The following IRF3 variants were observed in gnomAD, a reference collection of about 807,000 sequenced individuals.
The protein encoded by IRF3 is interferon regulatory factor 3.
A neutral mutation model predicts 43.2 loss-of-function variants in IRF3; 29 were observed. The ratio of observed to expected loss-of-function variants is 0.67; its 90% confidence interval spans 0.50 to 0.91. The LOEUF (loss-of-function observed/expected upper bound fraction) is 0.91, where lower values mean the gene tolerates loss of function less well. IRF3 is among the 40% of genes least tolerant of loss of function. The pLI is 0.00. For missense variants in IRF3, 505 were observed against 559.1 expected, an observed-to-expected ratio of 0.90 and a Z score of 0.98; for synonymous variants, 228 against 233.9, an observed-to-expected ratio of 0.97 and a Z score of 0.23.
Position 49,659,680 on chromosome 19 carries a change from C to T in IRF3, c.1252G>A (p.Gly418Ser), listed in dbSNP as rs2122548624. 6.2e-7 allele frequency: 1 copy of T among 1,613,808 alleles called. No homozygotes were observed. The highest frequency in any genetic ancestry group is 8.5e-7 in the Non-Finnish European group (1 of 1,179,820). Reference sequence around the variant, plus strand: ...TCCCCAGGGCCCTGGAAATCCATGCCCTCCACCAAGTCCTGCAGGTAGGCC... The same window carrying T: ...TCCCCAGGGCCCTGGAAATCCATGCTCTCCACCAAGTCCTGCAGGTAGGCC... ...YKAYLQDLVEGMDFQGPGES is the reference protein window; with the variant it reads ...YKAYLQDLVESMDFQGPGES Residue 418 changes from glycine (G) to serine (S), a missense_variant, in exon 8 of 8, where the codon GGC (glycine) becomes AGC (serine). By Grantham distance (56) the Gly-to-Ser change is moderately conservative (BLOSUM62 0). Transcript: ENST00000377139.
rs769364335 is a variant in IRF3, at chr19:49,663,498, G to C, written c.182C>G (p.Thr61Ser). 5.6e-6 allele frequency: 9 copies of C among 1,614,114 alleles called. No individual in the cohort carries two copies. The Admixed American group carries it at 1.5e-4, about 27-fold the overall frequency. Residue 61 changes from threonine to serine, a missense_variant, in exon 3 of 8, where the codon ACT (threonine) becomes AGT (serine). By Grantham distance (58) the Thr-to-Ser change is moderately conservative. Transcript: ENST00000377139. Reference sequence around the variant, plus strand: ...ATCCCTCCCGGGAACATATGCACCAGTGGCCTCGGCCCAGGCCTGGGGCAA... The same window carrying C: ...ATCCCTCCCGGGAACATATGCACCACTGGCCTCGGCCCAGGCCTGGGGCAA... ...FGIFQAWAEA[T>S]GAYVPGRDKP...
chr19:49,663,389 G>A lies in IRF3; in HGVS notation c.291C>T (p.Ser97=). 6.2e-7 allele frequency: 1 copy of A among 1,614,208 alleles called. No homozygotes were observed. The highest frequency in any genetic ancestry group is 8.5e-7 in the Non-Finnish European group (1 of 1,180,040). ...TTTTATGTGGGTCGTGAGGGTCCTT[G>A]CTCCGGTCCTCTGCTAAACGCAACC... ...KEGLRLAEDR[S]KDPHDPHKIY... is the part of the protein sequence containing the mutation. Residue 97 remains serine (S), a synonymous_variant, in exon 3 of 8, where the codon AGC becomes AGT. Coordinates refer to ENST00000377139, the MANE Select transcript of IRF3 (RefSeq NM_001571.6).
At position 49,662,145 on chromosome 19, in the gene IRF3, C is replaced by T; in HGVS notation, c.785G>A (p.Arg262Lys). 6.2e-7 allele frequency: 1 copy of T among 1,614,158 alleles called. No homozygotes were observed. The highest frequency in any genetic ancestry group is 8.5e-7 in the Non-Finnish European group (1 of 1,180,014). The change falls in exon 6 of 8, where the codon AGG becomes AAG. Residue 262 changes from arginine to lysine, a missense_variant. Arg to Lys is a conservative substitution (Grantham distance 26). Transcript: ENST00000377139. ...CCCACCCAGGCAGCTCAGCACATGC[C>T]TCACGTAGCTCATCACTCCCCTGTC... The part of the protein sequence containing the change: ...LTDRGVMSYV[R>K]HVLSCLGGGL...
chr19:49,663,237 G>A lies in IRF3; in HGVS notation c.359C>T (p.Pro120Leu), dbSNP rs2081429467. The A allele has an allele frequency of 1.9e-6, 3 of 1,614,146 alleles. No homozygotes were observed. Among genetic ancestry groups the A allele is most frequent in the Non-Finnish European group, 2.5e-6 (3 of 1,180,020 alleles). ...VNSGVGDFSQ[P>L]DTSPDTNGGG... ...ACCATTGGTGTCCGGAGAGGTGTCT[G>A]GCTGGGAAAAGTCCCCAACTCCTGT... Residue 120 changes from proline to leucine, a missense_variant, in exon 4 of 8, where the codon CCA (proline) becomes CTA (leucine). Coordinates refer to ENST00000377139, the MANE Select transcript of IRF3 (RefSeq NM_001571.6).
rs747576150 is a variant in IRF3 at position 49,659,739 on chromosome 19, C to A, written c.1193G>T (p.Ser398Ile). 1.2e-6 allele frequency: 2 copies of A among 1,613,800 alleles called. No individual in the cohort carries two copies. The highest frequency in any genetic ancestry group is 1.3e-5 in the African/African-American group (1 of 74,924). ...ENTVDLHISN[S>I]HPLSLTSDQY... ...GTCGGAGGTGAGGGAGAGTGGGTGG[C>A]TGTTGGAAATGTGCAGGTCCACAGT... Residue 398 changes from serine to isoleucine, a missense_variant, in exon 8 of 8, where the codon AGC (serine) becomes ATC (isoleucine). Physicochemically the swap from Ser to Ile is moderately radical, Grantham distance 142. Coordinates refer to ENST00000377139, the MANE Select transcript of IRF3 (RefSeq NM_001571.6).
At position 49,662,624 on chromosome 19, in the gene IRF3, G is replaced by A. The variant is rs1207955594; in HGVS notation, c.409-7C>T. 2 of 1,526,514 alleles carry A rather than the reference G, an allele frequency of 1.3e-6. No homozygotes were observed. Among genetic ancestry groups the A allele is most frequent in the African/African-American group, 1.4e-5 (1 of 71,254 alleles). 94.6% of individuals were successfully genotyped at this position (1,526,514 alleles called of 1,614,324 possible). On this transcript the variant is annotated splice_polypyrimidine_tract_variant and splice_region_variant and intron_variant, in intron 4 of 7. Coordinates refer to ENST00000377139, the MANE Select transcript of IRF3 (RefSeq NM_001571.6). ...ACTCATCCAGAATGTCTTCCTGGAG[G>A]GAAACAAAAAAAGAGAATCAGGCAT...
At chr19:49,660,023 ACACAC>A (rs1195525088) in intron 7 of IRF3, among the ~76,000 whole-genome samples, 190 bp from the exon 8 acceptor site, 59 of 114,584 alleles carry the variant, frequency 5.1e-4, no homozygotes, top group Admixed American at 2.3e-3. Context: ...ACACACACAC[ACACAC>A]CCCCTGCTGT....
rs1356360289 is a variant in IRF3 at position 49,659,676 on chromosome 19, A to G, written c.1256T>C (p.Met419Thr). Residue 419 changes from methionine to threonine, a missense_variant, in exon 8 of 8, where the codon ATG (methionine) becomes ACG (threonine). Coordinates refer to ENST00000377139, the MANE Select transcript of IRF3 (RefSeq NM_001571.6). ...GCTCTCCCCAGGGCCCTGGAAATCC[A>G]TGCCCTCCACCAAGTCCTGCAGGTA... ...KAYLQDLVEG[M>T]DFQGPGES The G allele has an allele frequency of 2.5e-6, 4 of 1,613,798 alleles. No individual in the cohort carries two copies. Among genetic ancestry groups the G allele is most frequent in the Admixed American group, 1.7e-5 (1 of 59,984 alleles).
intron 2 of IRF3, 173 bp downstream of exon 2, chr19:49,664,501 A>G (rs752998556): frequency 1.3e-5 from 21 of 1,563,112 alleles, no homozygotes; most frequent in African/African-American, 2.7e-5. Context: ...GCGCCCCACC[A>G]TCAGTCAGCG....
intron 6 of IRF3, chr19:49,661,098 CAG>C (rs1327873627): frequency 1.8e-5 from 8 of 446,966 alleles, no homozygotes; most frequent in Non-Finnish European, 8.0e-6. Context: ...CAAGGATGCT[CAG>C]TGAATCTGGA....
At position 49,664,812 on chromosome 19, in the gene IRF3, C is replaced by A; in HGVS notation, c.27G>T (p.Leu9=). 1 of 1,613,598 alleles carries A rather than the reference C, an allele frequency of 6.2e-7. No homozygotes were observed. Among genetic ancestry groups the A allele is most frequent in the Non-Finnish European group, 8.5e-7 (1 of 1,179,830 alleles). The change falls in exon 2 of 8, where the codon CTG becomes CTT. Residue 9 remains leucine, a synonymous_variant. Coordinates refer to ENST00000377139, the MANE Select transcript of IRF3 (RefSeq NM_001571.6). ...GGTCCAGCTGCGACACCAGCCAGGG[C>A]AGGATCCGTGGCTTTGGGGTTCCCA... MGTPKPRI[L]PWLVSQLDLG...
At position 49,663,687 on chromosome 19, in the gene IRF3, G is replaced by C. The variant is rs541434873; in HGVS notation, c.166-173C>G. The C allele has an allele frequency of 4.4e-5, 27 of 615,826 alleles. No homozygotes were observed. In the African/African-American group the frequency reaches 4.5e-4, roughly 10 times the overall value. 38.1% of individuals were successfully genotyped at this position (615,826 alleles called of 1,614,324 possible). A position where few individuals can be genotyped will look rare whatever the true frequency, so the allele number is the denominator to read the frequency against. ...CACCTACCTCCATCCCCCACCTCTA[G>C]TTTTCAAAAGGCTTTTTTTCTTTTT... On this transcript the variant is annotated intron_variant, in intron 2 of 7. Coordinates refer to ENST00000377139, the MANE Select transcript of IRF3 (RefSeq NM_001571.6).
rs567545391 is a variant in IRF3, at chr19:49,665,513, T to C, written c.-9+118A>G. The C allele has an allele frequency of 1.4e-5, 4 of 290,750 alleles. No individual in the cohort carries two copies. The South Asian group carries it at 2.0e-4, about 15-fold the overall frequency. 18.0% of individuals were successfully genotyped at this position (290,750 alleles called of 1,614,324 possible). On this transcript the variant is annotated intron_variant, in intron 1 of 7. Coordinates refer to ENST00000377139, the MANE Select transcript of IRF3 (RefSeq NM_001571.6). ...AGCGTCGGCCACTGTAGCTCCTTCC[T>C]TGCTCCACTTTCCCCAGAGTACACA...
intron 1 of IRF3, chr19:49,665,060 T>C: frequency 1.8e-6 from 1 of 560,278 alleles, no homozygotes; most frequent in Non-Finnish European, 3.1e-6. Flanking sequence ...CCATGGCACA[T>C]CCTTCCCCAG....
chr19:49,665,835 C>T lies in IRF3; in HGVS notation c.-213G>A. On this transcript the variant is annotated 5_prime_UTR_variant, in exon 1 of 8. Transcript: ENST00000377139. ...AGACCCAAAAGCCGATGGGACGGCCCGCTGGGCTGTTCCCGCCCCTATGCC... is the reference window on the plus strand; with the variant it reads ...AGACCCAAAAGCCGATGGGACGGCCTGCTGGGCTGTTCCCGCCCCTATGCC... 4.4e-6 allele frequency: 7 copies of T among 1,597,106 alleles called. No homozygotes were observed. Among genetic ancestry groups the T allele is most frequent in the Non-Finnish European group, 6.0e-6 (7 of 1,166,148 alleles).
chr19:49,662,246 C>G lies in IRF3; in HGVS notation c.684G>C (p.Leu228=), dbSNP rs755060098. Residue 228 remains leucine (L), a synonymous_variant, in exon 6 of 8, where the codon CTG becomes CTC. Transcript: ENST00000377139. ...QTISCPEGLR[L]VGSEVGDRTL... Reference sequence around the variant, plus strand: ...TCCTGTCTCCCACTTCGGACCCCACCAGCCGCAGGCCCTCCGGGCAGGAGA... The same window carrying G: ...TCCTGTCTCCCACTTCGGACCCCACGAGCCGCAGGCCCTCCGGGCAGGAGA... The G allele has an allele frequency of 1.5e-5, 25 of 1,614,016 alleles. No homozygotes were observed. The highest frequency in any genetic ancestry group is 1.9e-5 in the Non-Finnish European group (22 of 1,180,056).
chr19:49,664,442 C>T (rs1293690031), intron 2 of IRF3: 3 of 1,505,194 alleles, frequency 2.0e-6, no homozygotes, highest in Admixed American at 2.0e-5. Flanking sequence ...TGCGTACTAA[C>T]CGGCTTTCCC....
intron 7 of IRF3, 101 bp from the exon 8 acceptor site, chr19:49,659,934 C>T: frequency 7.6e-7 from 1 of 1,310,654 alleles, no homozygotes; most frequent in Non-Finnish European, 1.0e-6. Context: ...GCAGCCCCTG[C>T]TGTAACCTAG....
chr19:49,663,149 T>TC (rs2081424177), intron 4 of IRF3, 39 bp downstream of exon 4: 1 of 1,551,576 alleles, frequency 6.4e-7, no homozygotes, highest in African/African-American at 1.4e-5. Context: ...TGGAGACAGG[T>TC]CGGAGACTGA....
Sources: gnomAD v4.1 joint callset for allele counts (sites outside exome capture counted in the v4.1 genomes callset) on GRCh38, gnomAD v4.1.1 for gene constraint, MANE v1.5 for transcripts, NCBI Gene and HGNC (gene_info 2026-07-23, HGNC 2026-07-21) for gene names.